The following CDKL4 variants were observed in gnomAD, a reference collection of about 807,000 sequenced individuals.
CDKL4 encodes the protein cyclin dependent kinase like 4, also known as cyclin-dependent kinase-like 4.
Under a neutral mutation model 42.0 loss-of-function variants are expected in CDKL4, and 44 were observed. The observed-to-expected ratio is 1.05, with a 90% CI of 0.82 to 1.35. The LOEUF (loss-of-function observed/expected upper bound fraction) is 1.35, where lower values mean the gene tolerates loss of function less well. Ranked by LOEUF, CDKL4 falls within the 40% of genes most tolerant of loss-of-function variation. The pLI is 0.00. For synonymous variants in CDKL4, 120 were observed against 121.6 expected (o/e 0.99, Z 0.09); for missense variants, 393 against 369.9 (o/e 1.06, Z -0.51).
At chr2:39,172,692 C>T (rs1572929646), downstream of CDKL4, among the ~76,000 whole-genome samples, 1 of 152,156 alleles carries the variant, frequency 6.6e-6, no homozygotes, top group East Asian at 1.9e-4. Flanking sequence ...AGTGTTTCTC[C>T]TGCCTCAGCC....
intron 7 of CDKL4, among the ~76,000 whole-genome samples, chr2:39,186,094 T>C (rs1328149355): frequency 6.6e-6 from 1 of 152,202 alleles, no homozygotes; most frequent in African/African-American, 2.4e-5. Flanking sequence ...GGTGGGAAAC[T>C]TAAGACACTT....
chr2:39,245,781 G>A (rs1042324944), upstream of CDKL4, among the ~76,000 whole-genome samples: 1 of 152,106 alleles, frequency 6.6e-6, no homozygotes, highest in East Asian at 1.9e-4. Context: ...ATTACTTTTC[G>A]GTCTTGTTTA....
At chr2:39,224,144 T>C (rs1030493371) in intron 3 of CDKL4, among the ~76,000 whole-genome samples, 1 of 152,184 alleles carries the variant, frequency 6.6e-6, no homozygotes, top group African/African-American at 2.4e-5. Flanking sequence ...TTACCCAATA[T>C]CTCATTTCTA....
At chr2:39,171,697 T>TA (rs2148271105), downstream of CDKL4, among the ~76,000 whole-genome samples, 1 of 152,100 alleles carries the variant, frequency 6.6e-6, no homozygotes, top group African/African-American at 2.4e-5. Context: ...GCAAACACAC[T>TA]AAAAAACAAA....
Position 39,225,652 on chromosome 2 carries a change from T to G in CDKL4, c.290+187A>C, listed in dbSNP as rs73922853. Among the ~76,000 whole-genome samples the G allele has an allele frequency of 8.7e-3, 1,320 of 152,334 alleles. 23 individuals are homozygous for G. The highest frequency in any genetic ancestry group is 0.03 in the African/African-American group (1,232 of 41,576). On this transcript the variant is annotated intron_variant, in intron 3 of 9. Transcript: ENST00000451199. ...TTATATCTGTGGTAGGTTTTTCTCC[T>G]AATTATAACTCCTATAGGTAAATCA...
intron 9 of CDKL4, chr2:39,178,655 C>G: frequency 6.3e-7 from 1 of 1,599,216 alleles, no homozygotes; most frequent in South Asian, 1.1e-5. Context: ...GCAATATTGG[C>G]CCATTGGGTA....
chr2:39,175,693 A>G, exon 10 of CDKL4: 1 of 175,590 alleles, frequency 5.7e-6, no homozygotes, highest in East Asian at 1.5e-4. Context: ...TTCATAAATC[A>G]AAGTATAAGC....
At chr2:39,223,679 C>A (rs945427355) in intron 3 of CDKL4, among the ~76,000 whole-genome samples, 1 of 145,176 alleles carries the variant, frequency 6.9e-6, no homozygotes, top group Non-Finnish European at 1.5e-5. Flanking sequence ...GTGGCATGAT[C>A]TCTGCTCACT....
chr2:39,226,039 A>G, intron 2 of CDKL4, 79 bp from the exon 3 acceptor site: 1 of 1,361,868 alleles, frequency 7.3e-7, no homozygotes. Context: ...AAGAAACTTA[A>G]AGTTGGAAGA....
chr2:39,176,197 C>T (rs768038712), intron 9 of CDKL4, 101 bp from the exon 10 acceptor site: 17 of 356,550 alleles, frequency 4.8e-5, no homozygotes, highest in Non-Finnish European at 7.4e-5. Flanking sequence ...ACTTATGGTA[C>T]AAAGATGTCA....
downstream of CDKL4, among the ~76,000 whole-genome samples, chr2:39,171,294 A>C (rs1054110913): frequency 3.3e-5 from 5 of 152,140 alleles, no homozygotes; most frequent in African/African-American, 1.2e-4. Flanking sequence ...GAAATCTGCA[A>C]GTGCAATGAA....
At chr2:39,174,877 A>C (rs1444516727), downstream of CDKL4, among the ~76,000 whole-genome samples, 1 of 152,198 alleles carries the variant, frequency 6.6e-6, no homozygotes, top group Non-Finnish European at 1.5e-5. Flanking sequence ...TTATAATTTT[A>C]AGTATATATT....
Position 39,176,844 on chromosome 2 carries a change from T to A in CDKL4, c.928-748A>T, listed in dbSNP as rs879624508. On this transcript the variant is annotated intron_variant, in intron 9 of 9. Coordinates refer to ENST00000451199, the Ensembl canonical transcript of CDKL4. ...GGAAACCGCAATGAATGAAAAGACT[T>A]TTTTCTGTAACATTTATTTTCTGAC... Among the ~76,000 whole-genome samples, 637 of 152,310 alleles carry A rather than the reference T, an allele frequency of 4.2e-3. 2 individuals are homozygous for A. Among genetic ancestry groups the A allele is most frequent in the Non-Finnish European group, 7.1e-3 (484 of 68,032 alleles).
chr2:39,217,958 C>T lies in CDKL4; in HGVS notation c.291-4486G>A, dbSNP rs1025990350. Among the ~76,000 whole-genome samples, 3 of 152,204 alleles carry T rather than the reference C, an allele frequency of 2.0e-5. No homozygotes were observed. The East Asian group carries it at 5.8e-4, about 30-fold the overall frequency. ...ATGTTGGTCAGGCTGGTCTTGAACT[C>T]CTGACCTCAGGTGATCTGCCTGCCT... On this transcript the variant is annotated intron_variant, in intron 3 of 9. Coordinates refer to ENST00000451199, the Ensembl canonical transcript of CDKL4.
chr2:39,200,498 C>CAT (rs1349665008), intron 5 of CDKL4, among the ~76,000 whole-genome samples: 3 of 151,962 alleles, frequency 2.0e-5, no homozygotes, highest in Non-Finnish European at 4.4e-5. Context: ...TCCTAAAATT[C>CAT]ATATAGAACC....
intron 5 of CDKL4, among the ~76,000 whole-genome samples, chr2:39,195,641 A>AT (rs770948985): frequency 0.035 from 4,597 of 131,422 alleles, 106 homozygotes; most frequent in Middle Eastern, 0.062. Context: ...TTTTTAATTA[A>AT]TTTTTTTTTT....
At chr2:39,196,287 C>T (rs1034659255) in intron 5 of CDKL4, among the ~76,000 whole-genome samples, 11 of 152,232 alleles carry the variant, frequency 7.2e-5, no homozygotes, top group Admixed American at 7.2e-4. Flanking sequence ...GCTACCTCTA[C>T]CAGAGCAGGT....
At chr2:39,185,267 T>TATATATACACATACGTATATATAC in intron 7 of CDKL4, among the ~76,000 whole-genome samples, 1 of 55,730 alleles carries the variant, frequency 1.8e-5, no homozygotes, top group South Asian at 7.8e-4. Context: ...TATATATACA[T>TATATATACACATACGTATATATAC]ATATATACAC....
chr2:39,245,986 T>C (rs990566839), upstream of CDKL4, among the ~76,000 whole-genome samples: 21 of 152,242 alleles, frequency 1.4e-4, no homozygotes, highest in African/African-American at 4.8e-4. Context: ...GGAGATAATG[T>C]ATTACTTGGG....
Sources: allele counts gnomAD v4.1 joint callset (sites outside exome capture counted in the v4.1 genomes callset), GRCh38; gene constraint gnomAD v4.1.1; transcripts MANE v1.5; gene names NCBI Gene and HGNC (gene_info 2026-07-23, HGNC 2026-07-21).